Variants in GPM6A observed in about 807,000 individuals in gnomAD.
GPM6A encodes glycoprotein M6A.
A neutral mutation model predicts 32.1 loss-of-function variants in GPM6A; 7 were observed. That is an observed-to-expected ratio of 0.22 (90% CI 0.12 to 0.41). The LOEUF is 0.41. Among genes scored for constraint, GPM6A ranks in the 10% least tolerant of loss-of-function variants. The pLI, the probability that GPM6A is intolerant of heterozygous loss-of-function variation, is 1.00. For synonymous variants in GPM6A, 130 were observed against 123.4 expected, an observed-to-expected ratio of 1.05 and a Z score of -0.35; for missense variants, 235 against 347.2, an observed-to-expected ratio of 0.68 and a Z score of 2.57.
In GPM6A at chr4:175,874,851, G is replaced by A. The variant is rs543158643; in HGVS notation, c.-22-62602C>T. Among the ~76,000 whole-genome samples, 39 of 152,174 alleles carry A rather than the reference G, an allele frequency of 2.6e-4. No individual in the cohort carries two copies. In the South Asian group the frequency reaches 2.9e-3, roughly 11 times the overall value. On this transcript the variant is annotated intron_variant, in intron 1 of 7. Coordinates refer to the GPM6A transcript ENST00000280187. ...ACATCCTTTTAATTAAGCCAAGGCC[G>A]TGGCCATCTGCAGAGAAGGAAAATA...
intron 1 of GPM6A, among the ~76,000 whole-genome samples, chr4:175,994,204 A>C (rs946824161): frequency 2.6e-5 from 4 of 152,192 alleles, no homozygotes; most frequent in Non-Finnish European, 5.9e-5. Flanking sequence ...AACTCTGGAG[A>C]ACATCACCCA....
intron 4 of GPM6A, chr4:175,641,106 G>A (rs945505941): frequency 3.6e-5 from 15 of 413,500 alleles, no homozygotes; most frequent in African/African-American, 2.8e-4. Context: ...ATTATAGCCA[G>A]TTTATTGGTT....
chr4:175,910,470 C>T (rs992784129), intron 1 of GPM6A, among the ~76,000 whole-genome samples: 1 of 152,166 alleles, frequency 6.6e-6, no homozygotes, highest in Non-Finnish European at 1.5e-5. Context: ...CTCAGCCTTA[C>T]TGGGCTGGTG....
At chr4:175,646,621 T>C (rs1160045450) in intron 4 of GPM6A, among the ~76,000 whole-genome samples, 4 of 152,232 alleles carry the variant, frequency 2.6e-5, no homozygotes, top group African/African-American at 4.8e-5. Flanking sequence ...TAAATATTTG[T>C]TGAAAATGAA....
chr4:175,779,716 A>G (rs1733539701), intron 1 of GPM6A, among the ~76,000 whole-genome samples: 2 of 152,184 alleles, frequency 1.3e-5, no homozygotes, highest in African/African-American at 4.8e-5. Context: ...AAATTAACAT[A>G]TCTGCACTTA....
In GPM6A at chr4:175,637,261, TATATATTATATATTATATATTATATAA is replaced by T. The variant is rs1326026131; in HGVS notation, c.685-2231_685-2205del. On this transcript the variant is annotated intron_variant, in intron 6 of 6. Coordinates refer to ENST00000393658, the MANE Select transcript of GPM6A (RefSeq NM_201591.3). Reference sequence around the variant, plus strand: ...ATTATATATTATATATAATATAAAATATATATTATATATTATATATTATATAAAATATATATTATATATTATATATAA... The same window carrying T: ...ATTATATATTATATATAATATAAAATAATATATATTATATATTATATATAA... 5.0e-4 allele frequency among the ~76,000 whole-genome samples: 13 copies of T among 25,784 alleles called. 2 individuals are homozygous for T. The East Asian group carries it at 0.02, about 41-fold the overall frequency. The allele number at this position is 25,784 out of a possible 152,430, so 16.9% of individuals were successfully genotyped here. A position where few individuals can be genotyped will look rare whatever the true frequency, so the allele number is the denominator to read the frequency against.
intron 1 of GPM6A, among the ~76,000 whole-genome samples, chr4:175,850,174 A>C (rs1044071661): frequency 6.6e-6 from 1 of 152,204 alleles, no homozygotes; most frequent in Admixed American, 6.6e-5. Flanking sequence ...GAGAGATATC[A>C]GGAGAAAAAC....
upstream of GPM6A, among the ~76,000 whole-genome samples, chr4:175,816,414 A>G (rs1461624355): frequency 6.6e-6 from 1 of 152,118 alleles, no homozygotes; most frequent in Admixed American, 6.5e-5. Flanking sequence ...GTCTTTATGG[A>G]TAAACACATT....
intron 1 of GPM6A, among the ~76,000 whole-genome samples, chr4:175,939,688 A>C (rs1739345076): frequency 6.6e-6 from 1 of 152,200 alleles, no homozygotes; most frequent in Non-Finnish European, 1.5e-5. Context: ...ATTCAGCTAG[A>C]AGTTAAAATG....
intron 6 of GPM6A, among the ~76,000 whole-genome samples, chr4:175,639,418 C>T (rs1222123631): frequency 6.6e-6 from 1 of 152,146 alleles, no homozygotes; most frequent in African/African-American, 2.4e-5. Context: ...CGTGAGGTTA[C>T]TGGGAGTCCT....
chr4:175,787,382 T>A (rs1236773747), intron 1 of GPM6A: 2 of 1,535,128 alleles, frequency 1.3e-6, no homozygotes, highest in Admixed American at 3.9e-5. Context: ...CGCTGGCTCC[T>A]TGTGAACTCT....
intron 1 of GPM6A, among the ~76,000 whole-genome samples, chr4:175,765,723 G>A (rs201600618): frequency 4.6e-5 from 7 of 151,964 alleles, no homozygotes; most frequent in South Asian, 2.1e-4. Context: ...CCCAATCCTC[G>A]CTATGACCTA....
intron 1 of GPM6A, among the ~76,000 whole-genome samples, chr4:175,867,701 A>C (rs1289707409): frequency 6.6e-6 from 1 of 152,144 alleles, no homozygotes; most frequent in African/African-American, 2.4e-5. Flanking sequence ...CATTGTAGTA[A>C]GTGTTGAAGT....
intron 1 of GPM6A, among the ~76,000 whole-genome samples, chr4:175,955,773 G>A (rs765998284): frequency 2.0e-5 from 3 of 152,098 alleles, no homozygotes; most frequent in Non-Finnish European, 2.9e-5. Flanking sequence ...TCACTGTAAT[G>A]AGTAAACGAT....
chr4:175,931,290 A>G (rs1376060178), intron 1 of GPM6A, among the ~76,000 whole-genome samples: 1 of 152,170 alleles, frequency 6.6e-6, no homozygotes, highest in Non-Finnish European at 1.5e-5. Context: ...TCTAAGCCAC[A>G]GAAATTAAAT....
intron 3 of GPM6A, among the ~76,000 whole-genome samples, chr4:175,666,774 T>C (rs1236798359): frequency 6.6e-6 from 1 of 152,216 alleles, no homozygotes; most frequent in Non-Finnish European, 1.5e-5. Flanking sequence ...GCTAATCACA[T>C]TGATGACAAC....
chr4:175,710,422 T>G lies in GPM6A; in HGVS notation c.38-8655A>C, dbSNP rs1745463066. ...TTCAGTTTTAAGTATTCTCTAAAGT[T>G]TATTGAGATCTCTTTTTGACATATA... On this transcript the variant is annotated intron_variant, in intron 1 of 6. Transcript: ENST00000393658. Among the ~76,000 whole-genome samples the G allele has an allele frequency of 2.0e-5, 3 of 152,272 alleles. No homozygotes were observed. In the South Asian group the frequency reaches 6.2e-4, roughly 32 times the overall value.
rs74702750 is a variant in GPM6A, at chr4:175,754,095, A to T, written c.38-52328T>A. 9.5e-3 allele frequency among the ~76,000 whole-genome samples: 1,451 copies of T among 152,228 alleles called. 22 individuals carry two copies. Among genetic ancestry groups the T allele is most frequent in the South Asian group, 0.035 (170 of 4,808 alleles). On this transcript the variant is annotated intron_variant, in intron 1 of 6. Transcript: ENST00000393658. ...TATTACCAAATCACTATTTTTCAACATATCTTAATAAGTAAATATTTCAAT... is the reference window on the plus strand; with the variant it reads ...TATTACCAAATCACTATTTTTCAACTTATCTTAATAAGTAAATATTTCAAT...
At chr4:175,853,041 C>T (rs922076510) in intron 1 of GPM6A, among the ~76,000 whole-genome samples, 1 of 152,068 alleles carries the variant, frequency 6.6e-6, no homozygotes, top group African/African-American at 2.4e-5. Flanking sequence ...AACGTCCTCT[C>T]CTTTAGGGAA....
Sources: gnomAD v4.1 joint callset for allele counts (sites outside exome capture counted in the v4.1 genomes callset) on GRCh38, gnomAD v4.1.1 for gene constraint, MANE v1.5 for transcripts, NCBI Gene and HGNC (gene_info 2026-07-23, HGNC 2026-07-21) for gene names.